AP1G1: variants seen among roughly 807,000 people sequenced by gnomAD.
AP1G1 encodes the protein adaptor related protein complex 1 subunit gamma 1.
Under a neutral mutation model 108.3 loss-of-function variants are expected in AP1G1, and 7 were observed. That is an observed-to-expected ratio of 0.06 (90% confidence interval 0.04 to 0.12). The LOEUF (loss-of-function observed/expected upper bound fraction) is 0.12. Ranked by LOEUF, AP1G1 falls within the 10% of genes least tolerant of loss-of-function variation. The pLI is 1.00. For missense variants in AP1G1, 756 were observed against 1,010.7 expected (o/e 0.75, Z 3.42); for synonymous variants, 379 against 353.5 (o/e 1.07, Z -0.81).
chr16:71,742,237 G>C (rs1371730779), intron 19 of AP1G1: 1 of 151,980 alleles, frequency 6.6e-6, no homozygotes. Context: ...TGTTCAGAAA[G>C]GAACCTCATC....
chr16:71,743,660 G>A (rs924207888), intron 19 of AP1G1: 1 of 151,420 alleles, frequency 6.6e-6, no homozygotes, highest in African/African-American at 2.4e-5. Flanking sequence ...CTGAAATTTA[G>A]GATAGAAGTT....
At chr16:71,758,942 A>C in intron 10 of AP1G1, 21 bp from the exon 11 acceptor site, 2 of 1,385,336 alleles carry the variant, frequency 1.4e-6, no homozygotes, top group Non-Finnish European at 2.0e-6. Context: ...CAGTTGCAAA[A>C]TAACAGAGTT....
At chr16:71,808,030 C>G (rs1284009215) in intron 1 of AP1G1, 1 of 1,200,002 alleles carries the variant, frequency 8.3e-7, no homozygotes, top group Non-Finnish European at 1.1e-6. Flanking sequence ...GCGAGTGGTT[C>G]GATGGATCTC....
At chr16:71,784,584 A>G (rs1392115876) in intron 2 of AP1G1, among the ~76,000 whole-genome samples, 1 of 152,098 alleles carries the variant, frequency 6.6e-6, no homozygotes, top group Admixed American at 6.5e-5. Flanking sequence ...TTTGAGACAG[A>G]GTCTCGCTTT....
chr16:71,780,636 TA>T (rs1188007017), intron 2 of AP1G1, among the ~76,000 whole-genome samples: 2 of 152,112 alleles, frequency 1.3e-5, no homozygotes, highest in Non-Finnish European at 2.9e-5. Flanking sequence ...TTATTTATTT[TA>T]TTTTTTTGTT....
chr16:71,743,963 G>C (rs1224622580), intron 19 of AP1G1, among the ~76,000 whole-genome samples: 2 of 141,770 alleles, frequency 1.4e-5, no homozygotes, highest in Non-Finnish European at 3.0e-5. Context: ...AAAAAAAAAA[G>C]GCCAGGCGAA....
At chr16:71,768,210 A>C (rs2031395981) in intron 6 of AP1G1, among the ~76,000 whole-genome samples, 1 of 150,964 alleles carries the variant, frequency 6.6e-6, no homozygotes, top group African/African-American at 2.4e-5. Context: ...AAAAAAAAAA[A>C]AAAAAGGCCG....
intron 1 of AP1G1, among the ~76,000 whole-genome samples, chr16:71,796,017 G>C (rs143509187): frequency 1.1e-4 from 16 of 152,304 alleles, no homozygotes; most frequent in African/African-American, 3.9e-4. Flanking sequence ...CAGGTAGACT[G>C]CTCAAGTCCA....
rs569300050 is a variant in AP1G1 at position 71,778,637 on chromosome 16, C to T, written c.202-4045G>A. Among the ~76,000 whole-genome samples the T allele has an allele frequency of 1.3e-3, 189 of 147,678 alleles. 1 individual carries two copies. The highest frequency in any genetic ancestry group is 2.5e-3 in the South Asian group (12 of 4,736). On this transcript the variant is annotated intron_variant, in intron 2 of 22. Coordinates refer to ENST00000299980, the MANE Select transcript of AP1G1 (RefSeq NM_001128.6). ...GGAGTAGGTTGCAGTGAGCTGAGAT[C>T]GCGCCACTGCCCTCCAGCCAGGGCA... is the stretch of plus-strand genomic sequence containing the variant.
intron 21 of AP1G1, among the ~76,000 whole-genome samples, chr16:71,736,566 ATTTAT>A (rs2045547443): frequency 9.0e-6 from 1 of 110,784 alleles, no homozygotes. Context: ...TTATTTATTT[ATTTAT>A]TTATTTATTT....
chr16:71,791,533 A>G (rs1320512109), intron 1 of AP1G1, among the ~76,000 whole-genome samples: 4 of 152,220 alleles, frequency 2.6e-5, no homozygotes, highest in Admixed American at 2.6e-4. Flanking sequence ...TAATAAAAAA[A>G]AGTTAGCCAA....
Position 71,758,927 on chromosome 16 carries a change from T to C in AP1G1, c.975-6A>G. 1.3e-6 allele frequency: 2 copies of C among 1,504,424 alleles called. No homozygotes were observed. Among genetic ancestry groups the C allele is most frequent in the East Asian group, 2.3e-5 (1 of 43,840 alleles). The allele number at this position is 1,504,424 out of a possible 1,614,324, so 93.2% of individuals were successfully genotyped here. On this transcript the variant is annotated splice_polypyrimidine_tract_variant and splice_region_variant and intron_variant, in intron 10 of 22. Coordinates refer to ENST00000299980, the MANE Select transcript of AP1G1 (RefSeq NM_001128.6). Reference sequence around the variant, plus strand: ...AAGATGTCAGAGCCACATATCTGGATGAAACAGTTGCAAAATAACAGAGTT... The same window carrying C: ...AAGATGTCAGAGCCACATATCTGGACGAAACAGTTGCAAAATAACAGAGTT...
intron 2 of AP1G1, 111 bp from the exon 3 acceptor site, chr16:71,774,703 G>A (rs1597069141): frequency 8.6e-7 from 1 of 1,161,118 alleles, no homozygotes; most frequent in Non-Finnish European, 1.2e-6. Flanking sequence ...GTACAAATGT[G>A]TTTCATCAAA....
At chr16:71,759,050 T>C (rs1397674865) in intron 10 of AP1G1, 129 bp from the exon 11 acceptor site, 1 of 612,266 alleles carries the variant, frequency 1.6e-6, no homozygotes, top group Non-Finnish European at 2.8e-6. Flanking sequence ...TAAAAGAAAG[T>C]TAGTGAACAT....
chr16:71,752,265 C>T (rs942781734), intron 13 of AP1G1, among the ~76,000 whole-genome samples: 1 of 152,126 alleles, frequency 6.6e-6, no homozygotes, highest in Non-Finnish European at 1.5e-5. Context: ...CTCATGAAAA[C>T]TAGGAAAACA....
chr16:71,749,594 A>T (rs1365342513), intron 15 of AP1G1, among the ~76,000 whole-genome samples: 1 of 152,058 alleles, frequency 6.6e-6, no homozygotes, highest in Non-Finnish European at 1.5e-5. Flanking sequence ...GTATTTTTTA[A>T]ATTTTTTTGA....
intron 9 of AP1G1, 68 bp from the exon 10 acceptor site, chr16:71,761,635 G>T: frequency 8.1e-7 from 1 of 1,232,334 alleles, no homozygotes; most frequent in Non-Finnish European, 1.2e-6. Flanking sequence ...TGAGTTTAAA[G>T]GATCACTTCA....
At chr16:71,735,635 A>G (rs988101942) in intron 21 of AP1G1, among the ~76,000 whole-genome samples, 2 of 148,716 alleles carry the variant, frequency 1.3e-5, no homozygotes, top group African/African-American at 4.9e-5. Flanking sequence ...CAGCCTGGGC[A>G]ACAGAGCAAG....
intron 16 of AP1G1, 79 bp from the exon 17 acceptor site, chr16:71,746,771 G>A (rs1165944957): frequency 2.9e-6 from 3 of 1,043,490 alleles, no homozygotes; most frequent in Non-Finnish European, 4.3e-6. Flanking sequence ...TAATAAGCCA[G>A]AATTTTCTGG....
Sources: gnomAD v4.1 joint callset for allele counts (sites outside exome capture counted in the v4.1 genomes callset) on GRCh38, gnomAD v4.1.1 for gene constraint, MANE v1.5 for transcripts, NCBI Gene and HGNC (gene_info 2026-07-23, HGNC 2026-07-21) for gene names.